ADD3: variants seen among roughly 807,000 people sequenced by gnomAD.
The protein encoded by ADD3 is adducin 3.
A neutral mutation model predicts 80.2 loss-of-function variants in ADD3; 25 were observed. The ratio of observed to expected loss-of-function variants is 0.31; its 90% CI spans 0.23 to 0.44. The LOEUF is 0.44. ADD3 is among the 20% of genes least tolerant of loss of function. The probability of loss-of-function intolerance (pLI) is 1.00; values close to 1 mark genes in which losing one functional copy is unlikely to be tolerated. For synonymous variants in ADD3, 284 were observed against 289.6 expected (o/e 0.98, Z 0.20); for missense variants, 829 against 847.5 (o/e 0.98, Z 0.27).
chr10:110,123,816 T>C (rs1851812229), intron 9 of ADD3: 2 of 562,672 alleles, frequency 3.6e-6, no homozygotes, highest in South Asian at 2.3e-5. Context: ...TCAGCTGTTA[T>C]CAGCTCTAAC....
chr10:110,034,226 C>G (rs1392505015), intron 1 of ADD3, among the ~76,000 whole-genome samples: 3 of 152,064 alleles, frequency 2.0e-5, no homozygotes, highest in Non-Finnish European at 4.4e-5. Flanking sequence ...ACAAATATCT[C>G]AGCCTAGGGG....
intron 1 of ADD3, among the ~76,000 whole-genome samples, chr10:110,060,257 A>G (rs997018943): frequency 1.1e-4 from 16 of 152,176 alleles, no homozygotes; most frequent in African/African-American, 3.6e-4. Flanking sequence ...TTCCTAATAT[A>G]TTAACGTTTA....
In ADD3 at chr10:110,126,504, G is replaced by C. The variant is rs1852177094; in HGVS notation, c.1608+1G>C. 1 of 1,605,760 alleles carries C rather than the reference G, an allele frequency of 6.2e-7. No homozygotes were observed. The highest frequency in any genetic ancestry group is 1.3e-5 in the African/African-American group (1 of 74,758). On this transcript the variant is annotated splice_donor_variant, in intron 12 of 14. Coordinates refer to ENST00000356080, the MANE Select transcript of ADD3 (RefSeq NM_016824.5). LOFTEE classifies it high-confidence loss of function. Reference sequence around the variant, plus strand: ...AATTGTTGTGGATAAGCCACCTTCTGTAAGTTTATGAAGTAGTATGATCTT... The same window carrying C: ...AATTGTTGTGGATAAGCCACCTTCTCTAAGTTTATGAAGTAGTATGATCTT...
rs1480184597 is a variant in ADD3 at position 110,128,858 on chromosome 10, G to T, written c.1609-1505G>T. On this transcript the variant is annotated intron_variant, in intron 12 of 14. Coordinates refer to ENST00000356080, the MANE Select transcript of ADD3 (RefSeq NM_016824.5). ...TGCCTTTGTTGTCTTTGTCTATTCT[G>T]AGTTGTTCCGTATGTCTGTTTATAT... 2.6e-5 allele frequency among the ~76,000 whole-genome samples: 4 copies of T among 151,954 alleles called. No individual in the cohort carries two copies. In the East Asian group the frequency reaches 7.7e-4, roughly 29 times the overall value.
chr10:110,121,473 A>G (rs1250154943), intron 8 of ADD3, among the ~76,000 whole-genome samples: 1 of 152,220 alleles, frequency 6.6e-6, no homozygotes, highest in African/African-American at 2.4e-5. Flanking sequence ...ACAAGAGTGA[A>G]ACTCAGTCCT....
chr10:110,072,265 C>T (rs1443101109), intron 1 of ADD3, among the ~76,000 whole-genome samples: 1 of 152,154 alleles, frequency 6.6e-6, no homozygotes, highest in African/African-American at 2.4e-5. Flanking sequence ...TGGGGTTTCA[C>T]CATGTTAGCC....
At chr10:110,004,283 C>A (rs1851550386), upstream of ADD3, among the ~76,000 whole-genome samples, 2 of 151,166 alleles carry the variant, frequency 1.3e-5, no homozygotes, top group South Asian at 2.1e-4. Context: ...GCCTGTAATC[C>A]CAGCACTTTG....
intron 1 of ADD3, among the ~76,000 whole-genome samples, chr10:110,071,554 T>G (rs1844717978): frequency 6.6e-6 from 1 of 152,262 alleles, no homozygotes; most frequent in Non-Finnish European, 1.5e-5. Flanking sequence ...AAACAGAAAT[T>G]ATTCATGATT....
intron 1 of ADD3, among the ~76,000 whole-genome samples, chr10:110,000,511 G>C (rs1255896744): frequency 3.3e-5 from 5 of 152,192 alleles, no homozygotes; most frequent in Admixed American, 1.3e-4. Context: ...GCCATGCTCT[G>C]TTATGAGCAA....
At chr10:110,040,692 G>C (rs969393683) in intron 1 of ADD3, among the ~76,000 whole-genome samples, 2 of 152,188 alleles carry the variant, frequency 1.3e-5, no homozygotes, top group Non-Finnish European at 2.9e-5. Context: ...ACAGTATTGA[G>C]AGTGGACTGA....
intron 1 of ADD3, among the ~76,000 whole-genome samples, chr10:110,076,737 A>ACG (rs1845417445): frequency 1.3e-5 from 2 of 152,314 alleles, no homozygotes; most frequent in Admixed American, 6.5e-5. Flanking sequence ...ACTTCCATCT[A>ACG]ACATTCTGTT....
intron 2 of ADD3, among the ~76,000 whole-genome samples, chr10:110,109,508 T>C (rs868398179): frequency 2.0e-5 from 3 of 152,334 alleles, no homozygotes; most frequent in South Asian, 2.1e-4. Context: ...TGCAAGACAT[T>C]TAATAAAATA....
At chr10:110,116,525 T>C in intron 4 of ADD3, 115 bp downstream of exon 4, 2 of 1,058,082 alleles carry the variant, frequency 1.9e-6, no homozygotes, top group East Asian at 5.0e-5. Flanking sequence ...AAACCTAGTA[T>C]GCTAGATCAC....
At chr10:110,080,579 A>G (rs969938349) in intron 1 of ADD3, among the ~76,000 whole-genome samples, 1 of 152,258 alleles carries the variant, frequency 6.6e-6, no homozygotes, top group African/African-American at 2.4e-5. Context: ...AACCCATTCC[A>G]GAATTAAAAG....
chr10:110,021,957 T>C (rs10509907), intron 1 of ADD3, among the ~76,000 whole-genome samples: 21,759 of 152,212 alleles, frequency 0.14, 1,918 homozygotes, highest in East Asian at 0.4. Context: ...AAATAACTTA[T>C]GTGGACCTTA....
intron 2 of ADD3, among the ~76,000 whole-genome samples, chr10:110,110,737 C>G (rs1016701543): frequency 1.3e-5 from 2 of 151,914 alleles, no homozygotes; most frequent in African/African-American, 4.8e-5. Context: ...GTGGCTCACA[C>G]CTGTAATCCC....
At chr10:110,027,994 G>C (rs1030062618) in intron 1 of ADD3, among the ~76,000 whole-genome samples, 1 of 152,206 alleles carries the variant, frequency 6.6e-6, no homozygotes, top group African/African-American at 2.4e-5. Flanking sequence ...TTTGACTTCA[G>C]ATCTTAGAGT....
At chr10:110,000,820 T>C (rs1342103141), upstream of ADD3, among the ~76,000 whole-genome samples, 1 of 152,166 alleles carries the variant, frequency 6.6e-6, no homozygotes, top group Non-Finnish European at 1.5e-5. Context: ...AATAATACAG[T>C]AGTATCTACC....
intron 14 of ADD3, chr10:110,132,751 C>T: frequency 5.6e-6 from 1 of 178,386 alleles, no homozygotes; most frequent in Non-Finnish European, 1.2e-5. Context: ...CACGGTGAAA[C>T]CCTGTCTCTA....
Sources: allele counts gnomAD v4.1 joint callset (sites outside exome capture counted in the v4.1 genomes callset), GRCh38; gene constraint gnomAD v4.1.1; transcripts MANE v1.5; gene names NCBI Gene and HGNC (gene_info 2026-07-23, HGNC 2026-07-21).